The following PBX3 variants were observed in gnomAD, a reference collection of about 807,000 sequenced individuals.
PBX3 encodes the protein pre-B-cell leukemia transcription factor 3.
A neutral mutation model predicts 48.5 loss-of-function variants in PBX3; 14 were observed. The ratio of observed to expected loss-of-function variants is 0.29; its 90% CI spans 0.19 to 0.45. PBX3 has a LOEUF of 0.45. Ranked by LOEUF, PBX3 falls within the 20% of genes least tolerant of loss-of-function variation. The pLI, the probability that PBX3 is intolerant of heterozygous loss-of-function variation, is 1.00. For synonymous variants in PBX3, 210 were observed against 200.3 expected, an observed-to-expected ratio of 1.05 and a Z score of -0.41; for missense variants, 386 against 546.7, an observed-to-expected ratio of 0.71 and a Z score of 2.93.
chr9:125,846,873 G>A (rs1374565796), intron 2 of PBX3, among the ~76,000 whole-genome samples: 3 of 151,770 alleles, frequency 2.0e-5, no homozygotes, highest in African/African-American at 4.8e-5. Context: ...TATCTTTTAC[G>A]TCTTTTTAAA....
rs1294786762 is a variant in PBX3 at position 125,793,362 on chromosome 9, AAAAAATATATAT to A, written c.274+44741_274+44752del. On this transcript the variant is annotated intron_variant, in intron 2 of 8. Transcript: ENST00000373489. ...GTGAGACTCCATTTGGGGGGGAAAA[AAAAAATATATAT>A]ATATATATATATATATATTTACTAT... Among the ~76,000 whole-genome samples, 4 of 65,652 alleles carry A rather than the reference AAAAAATATATAT, an allele frequency of 6.1e-5. 1 individual carries two copies. The highest frequency in any genetic ancestry group is 2.3e-4 in the African/African-American group (4 of 17,694). 43.1% of individuals were successfully genotyped at this position (65,652 alleles called of 152,430 possible).
At chr9:125,753,236 A>G (rs1027780841) in intron 2 of PBX3, among the ~76,000 whole-genome samples, 2 of 152,068 alleles carry the variant, frequency 1.3e-5, no homozygotes, top group African/African-American at 2.4e-5. Context: ...TGGAAATGTT[A>G]TAAATTATAT....
intron 2 of PBX3, among the ~76,000 whole-genome samples, chr9:125,878,060 C>G (rs1306430146): frequency 2.0e-5 from 3 of 152,160 alleles, no homozygotes; most frequent in African/African-American, 7.2e-5. Flanking sequence ...AAGTGCACAA[C>G]CATAGTACTC....
At chr9:125,905,306 C>T (rs2132435514) in intron 2 of PBX3, among the ~76,000 whole-genome samples, 1 of 152,132 alleles carries the variant, frequency 6.6e-6, no homozygotes, top group East Asian at 1.9e-4. Context: ...CGCCAATATC[C>T]ATCCTCCTAA....
chr9:125,926,995 C>T (rs1314512426), intron 3 of PBX3, among the ~76,000 whole-genome samples: 1 of 152,162 alleles, frequency 6.6e-6, no homozygotes, highest in Non-Finnish European at 1.5e-5. Flanking sequence ...AAATTATAGA[C>T]TGAGATTCTG....
chr9:125,763,108 A>G (rs1179452704), intron 2 of PBX3, among the ~76,000 whole-genome samples: 5 of 152,230 alleles, frequency 3.3e-5, no homozygotes, highest in African/African-American at 1.2e-4. Context: ...CAGTGCTGAA[A>G]TTGAGCCAAT....
rs551737774 is a variant in PBX3 at position 125,899,233 on chromosome 9, A to G, written c.275-16453A>G. On this transcript the variant is annotated intron_variant, in intron 2 of 8. Transcript: ENST00000373489. ...AATATACATATGTATATATATTTAT[A>G]TATAAATATACATATGTATATATAT... 2.1e-3 allele frequency among the ~76,000 whole-genome samples: 185 copies of G among 86,402 alleles called. 1 individual carries two copies. Among genetic ancestry groups the G allele is most frequent in the Non-Finnish European group, 3.6e-3 (144 of 39,952 alleles). 56.7% of individuals were successfully genotyped at this position (86,402 alleles called of 152,430 possible). A position where few individuals can be genotyped will look rare whatever the true frequency, so the allele number is the denominator to read the frequency against.
chr9:125,920,901 A>G (rs1841443424), intron 3 of PBX3, among the ~76,000 whole-genome samples: 1 of 152,172 alleles, frequency 6.6e-6, no homozygotes, highest in Admixed American at 6.5e-5. Flanking sequence ...GTAAAAGCAT[A>G]TCCTTGTGCT....
intron 2 of PBX3, among the ~76,000 whole-genome samples, chr9:125,827,172 A>T (rs1442370959): frequency 6.6e-6 from 1 of 152,178 alleles, no homozygotes; most frequent in Non-Finnish European, 1.5e-5. Context: ...GCAGTATATC[A>T]ATGAATGTAT....
chr9:125,781,657 T>C (rs761660388), intron 2 of PBX3, among the ~76,000 whole-genome samples: 7 of 152,154 alleles, frequency 4.6e-5, no homozygotes, highest in East Asian at 3.8e-4. Context: ...TTTGGTCTTA[T>C]TGATTCTTTC....
At chr9:125,861,095 G>A (rs1315026789) in intron 2 of PBX3, among the ~76,000 whole-genome samples, 2 of 151,920 alleles carry the variant, frequency 1.3e-5, no homozygotes, top group African/African-American at 4.8e-5. Context: ...AGCCCAGCCT[G>A]GGCAACATGG....
intron 3 of PBX3, among the ~76,000 whole-genome samples, chr9:125,929,261 T>A (rs1005143282): frequency 6.6e-6 from 1 of 152,262 alleles, no homozygotes; most frequent in Admixed American, 6.5e-5. Context: ...GTTTGAACTT[T>A]GTAGTTGTTC....
chr9:125,949,101 C>G (rs1842132504), intron 5 of PBX3, among the ~76,000 whole-genome samples: 1 of 152,194 alleles, frequency 6.6e-6, no homozygotes, highest in Non-Finnish European at 1.5e-5. Context: ...TAAACTGGTA[C>G]TTTAACTTCA....
chr9:125,777,553 G>A (rs1046289989), intron 2 of PBX3, among the ~76,000 whole-genome samples: 3 of 150,814 alleles, frequency 2.0e-5, no homozygotes, highest in African/African-American at 7.3e-5. Flanking sequence ...TAGTAGAGAC[G>A]GGGTTTTACC....
In PBX3 at chr9:125,966,116, TA is replaced by T. The variant is rs35298105; in HGVS notation, c.*201del. 8 of 388,534 alleles carry T rather than the reference TA, an allele frequency of 2.1e-5. No homozygotes were observed. The highest frequency in any genetic ancestry group is 6.6e-5 in the South Asian group (1 of 15,244). 24.1% of individuals were successfully genotyped at this position (388,534 alleles called of 1,614,324 possible). A position where few individuals can be genotyped will look rare whatever the true frequency, so the allele number is the denominator to read the frequency against. On this transcript the variant is annotated 3_prime_UTR_variant, in exon 9 of 9. Coordinates refer to ENST00000373489, the MANE Select transcript of PBX3 (RefSeq NM_006195.6). ...ATTTATACTTAAAAACACACAATGTTAAAAAAAATAAAGCACTTTATCCAAT... is the reference window on the plus strand; with the variant it reads ...ATTTATACTTAAAAACACACAATGTTAAAAAAATAAAGCACTTTATCCAAT...
intron 2 of PBX3, among the ~76,000 whole-genome samples, chr9:125,888,558 CTTT>C (rs35303591): frequency 2.8e-5 from 4 of 145,118 alleles, no homozygotes; most frequent in South Asian, 2.2e-4. Context: ...TTTGATATTT[CTTT>C]TTTTTTTTTT....
intron 3 of PBX3, among the ~76,000 whole-genome samples, chr9:125,921,326 C>CT (rs376553707): frequency 3.9e-4 from 59 of 150,750 alleles, no homozygotes; most frequent in Middle Eastern, 6.8e-3. Context: ...TTTGAATACT[C>CT]TTTTTTTTTC....
intron 2 of PBX3, among the ~76,000 whole-genome samples, chr9:125,755,481 G>C (rs1048132503): frequency 1.3e-5 from 2 of 152,064 alleles, no homozygotes; most frequent in Non-Finnish European, 2.9e-5. Flanking sequence ...TGGTGTTTTT[G>C]AGGATTTCTT....
intron 8 of PBX3, 107 bp downstream of exon 8, chr9:125,963,208 G>A (rs951747712): frequency 1.8e-6 from 1 of 560,720 alleles, no homozygotes; most frequent in Non-Finnish European, 3.2e-6. Flanking sequence ...TTGGCAGGTA[G>A]GGAAGGCAGC....
Sources: allele counts gnomAD v4.1 joint callset (sites outside exome capture counted in the v4.1 genomes callset), GRCh38; gene constraint gnomAD v4.1.1; transcripts MANE v1.5; gene names NCBI Gene and HGNC (gene_info 2026-07-23, HGNC 2026-07-21).